TBC1D19: variants seen among roughly 807,000 people sequenced by gnomAD.
TBC1D19 encodes TBC1 domain family, member 19.
A neutral mutation model predicts 89.0 loss-of-function variants in TBC1D19; 60 were observed. The ratio of observed to expected loss-of-function variants is 0.67; its 90% CI spans 0.55 to 0.84. The LOEUF (loss-of-function observed/expected upper bound fraction) is 0.84. Among genes scored for constraint, TBC1D19 ranks in the 40% least tolerant of loss-of-function variants. The pLI is 0.00. For synonymous variants in TBC1D19, 189 were observed against 199.7 expected (o/e 0.95, Z 0.45); for missense variants, 500 against 610.8 (o/e 0.82, Z 1.91).
At chr4:26,762,296 G>A in the TBC1D19 span, among the ~76,000 whole-genome samples, 14 of 152,194 alleles carry the variant, frequency 9.2e-5, no homozygotes, top group African/African-American at 3.1e-4. Context: ...CTGGCTTCAG[G>A]TATTATCAAT....
chr4:26,756,850 A>G (rs935643419), downstream of TBC1D19, among the ~76,000 whole-genome samples: 1 of 152,176 alleles, frequency 6.6e-6, no homozygotes, highest in African/African-American at 2.4e-5. Flanking sequence ...AGATCCTTTC[A>G]TTTGAAACAG....
chr4:26,675,670 T>C (rs987611431), intron 11 of TBC1D19, among the ~76,000 whole-genome samples: 1 of 152,158 alleles, frequency 6.6e-6, no homozygotes, highest in African/African-American at 2.4e-5. Context: ...ATACTACTTC[T>C]TATTAGGAAT....
chr4:26,826,296 G>T, the TBC1D19 span, among the ~76,000 whole-genome samples: 1 of 152,158 alleles, frequency 6.6e-6, no homozygotes, highest in Non-Finnish European at 1.5e-5. Context: ...CATTCTGCCT[G>T]CCCATTGTTT....
In TBC1D19 at chr4:26,655,640, T is replaced by G. The variant is rs530190236; in HGVS notation, c.481-3957T>G. 1.5e-4 allele frequency among the ~76,000 whole-genome samples: 23 copies of G among 152,196 alleles called. No individual in the cohort carries two copies. In the East Asian group the frequency reaches 4.1e-3, roughly 27 times the overall value. On this transcript the variant is annotated intron_variant, in intron 7 of 20. Coordinates refer to ENST00000264866, the MANE Select transcript of TBC1D19 (RefSeq NM_018317.4). The stretch of plus-strand genomic sequence containing the variant: ...CTCAGACTGCTGTGCTAGCAATGAG[T>G]GAGGCTCTGTGGGCATAGGACCCTC...
At chr4:26,680,103 T>A (rs1438488533) in intron 11 of TBC1D19, among the ~76,000 whole-genome samples, 1 of 152,164 alleles carries the variant, frequency 6.6e-6, no homozygotes, top group East Asian at 1.9e-4. Flanking sequence ...CTCTCCCCTG[T>A]GGCCCTGTGA....
At chr4:26,747,913 A>C (rs1026762756) in intron 18 of TBC1D19, among the ~76,000 whole-genome samples, 2 of 152,164 alleles carry the variant, frequency 1.3e-5, no homozygotes, top group African/African-American at 4.8e-5. Context: ...CTTTAAAACT[A>C]TTTTTGTCCT....
At chr4:26,838,381 C>T in the TBC1D19 span, among the ~76,000 whole-genome samples, 1 of 152,270 alleles carries the variant, frequency 6.6e-6, no homozygotes, top group Non-Finnish European at 1.5e-5. Flanking sequence ...TAGACACCAG[C>T]TCAAAGTTTT....
At chr4:26,705,825 G>GTAATA (rs1715694822) in intron 13 of TBC1D19, among the ~76,000 whole-genome samples, 1 of 152,056 alleles carries the variant, frequency 6.6e-6, no homozygotes, top group Non-Finnish European at 1.5e-5. Context: ...GGTAATACTG[G>GTAATA]CCTCACAGAA....
intron 15 of TBC1D19, among the ~76,000 whole-genome samples, chr4:26,730,318 T>TA (rs1435010795): frequency 1.3e-5 from 2 of 152,020 alleles, no homozygotes; most frequent in Admixed American, 6.6e-5. Flanking sequence ...GAGAAAAAAA[T>TA]AAAAAATTAT....
At chr4:26,600,156 A>G (rs1740502995) in intron 1 of TBC1D19, among the ~76,000 whole-genome samples, 1 of 152,134 alleles carries the variant, frequency 6.6e-6, no homozygotes, top group Non-Finnish European at 1.5e-5. Context: ...AAATAATAGA[A>G]TTGCAAAAGG....
chr4:26,679,744 G>T (rs1446300607), intron 11 of TBC1D19, among the ~76,000 whole-genome samples: 3 of 152,242 alleles, frequency 2.0e-5, no homozygotes, highest in Non-Finnish European at 4.4e-5. Context: ...TAAAGCCACA[G>T]GGGCAGAGCT....
intron 1 of TBC1D19, among the ~76,000 whole-genome samples, chr4:26,612,171 T>C (rs1741422249): frequency 6.6e-6 from 1 of 151,446 alleles, no homozygotes; most frequent in African/African-American, 2.4e-5. Flanking sequence ...GGACAGCTTA[T>C]CATCTAGTTT....
chr4:26,651,499 A>G (rs928779104), intron 7 of TBC1D19, among the ~76,000 whole-genome samples: 1 of 152,158 alleles, frequency 6.6e-6, no homozygotes, highest in Non-Finnish European at 1.5e-5. Flanking sequence ...GAGTTCACTC[A>G]TGATTTGGCT....
chr4:26,848,931 A>G, the TBC1D19 span, among the ~76,000 whole-genome samples: 1 of 152,276 alleles, frequency 6.6e-6, no homozygotes, highest in South Asian at 2.1e-4. Context: ...GGTGTCTCAC[A>G]CCTGTAATAC....
intron 9 of TBC1D19, among the ~76,000 whole-genome samples, chr4:26,671,813 A>C (rs997367274): frequency 9.9e-5 from 15 of 151,952 alleles, no homozygotes; most frequent in South Asian, 4.1e-4. Context: ...GTTTTAACAA[A>C]GGGAAAATTC....
rs756272376 is a variant in TBC1D19, at chr4:26,659,697, T to A, written c.581T>A (p.Ile194Asn). The change falls in exon 8 of 21, where the codon ATC becomes AAC. Residue 194 changes from isoleucine to asparagine, a missense_variant. Physicochemically the swap from Ile to Asn is moderately radical, Grantham distance 149. Coordinates refer to ENST00000264866, the MANE Select transcript of TBC1D19 (RefSeq NM_018317.4). ...LIQVPLKVKD[I>N]PELKECFVEL... ...CAAGTTCCACTGAAAGTAAAAGACATCCCTGAATTGGTAAGTATAGAAACT... is the reference window on the plus strand; with the variant it reads ...CAAGTTCCACTGAAAGTAAAAGACAACCCTGAATTGGTAAGTATAGAAACT... 4 of 1,573,058 alleles carry A rather than the reference T, an allele frequency of 2.5e-6. No homozygotes were observed. Among genetic ancestry groups the A allele is most frequent in the Non-Finnish European group, 3.5e-6 (4 of 1,150,872 alleles).
chr4:26,768,971 A>G, the TBC1D19 span, among the ~76,000 whole-genome samples: 3 of 151,998 alleles, frequency 2.0e-5, no homozygotes, highest in Non-Finnish European at 4.4e-5. Flanking sequence ...ACAAGCCCCA[A>G]GCAGAAGAAA....
At chr4:26,646,230 G>A (rs1319642911) in intron 7 of TBC1D19, among the ~76,000 whole-genome samples, 1 of 151,936 alleles carries the variant, frequency 6.6e-6, no homozygotes, top group Non-Finnish European at 1.5e-5. Flanking sequence ...ACCATCACTG[G>A]CCATCAGAGA....
chr4:26,774,671 T>G, the TBC1D19 span, among the ~76,000 whole-genome samples: 1 of 152,258 alleles, frequency 6.6e-6, no homozygotes, highest in African/African-American at 2.4e-5. Context: ...ATAAACTTAC[T>G]TATTAGTTCT....
Sources: allele counts gnomAD v4.1 joint callset (sites outside exome capture counted in the v4.1 genomes callset), GRCh38; gene constraint gnomAD v4.1.1; transcripts MANE v1.5; gene names NCBI Gene and HGNC (gene_info 2026-07-23, HGNC 2026-07-21).